Variants in ADGRL3 observed in about 807,000 individuals in gnomAD.
The protein encoded by ADGRL3 is adhesion G protein-coupled receptor L3.
Under a neutral mutation model 153.5 loss-of-function variants are expected in ADGRL3, and 62 were observed. The observed-to-expected ratio is 0.40, with a 90% confidence interval of 0.33 to 0.50. The LOEUF is 0.50. Among genes scored for constraint, ADGRL3 ranks in the 20% least tolerant of loss-of-function variants. The probability of loss-of-function intolerance (pLI) is 0.47; values close to 1 mark genes in which losing one functional copy is unlikely to be tolerated. For missense variants in ADGRL3, 1,641 were observed against 1,859.4 expected (o/e 0.88, Z 2.16); for synonymous variants, 710 against 672.5 (o/e 1.06, Z -0.86).
At chr4:62,007,383 TACACACAC>T (rs71269038) in intron 21 of ADGRL3, among the ~76,000 whole-genome samples, 16 of 30,714 alleles carry the variant, frequency 5.2e-4, no homozygotes, top group Admixed American at 8.4e-4. Context: ...TATATATATA[TACACACAC>T]ACACATATAT....
At chr4:61,671,480 G>A (rs1414020026) in intron 5 of ADGRL3, among the ~76,000 whole-genome samples, 5 of 152,154 alleles carry the variant, frequency 3.3e-5, no homozygotes, top group African/African-American at 1.2e-4. Flanking sequence ...CTGATCAATA[G>A]GTGACAGTTA....
chr4:61,384,169 G>A (rs571744260), intron 2 of ADGRL3, among the ~76,000 whole-genome samples: 17 of 151,136 alleles, frequency 1.1e-4, no homozygotes, highest in Non-Finnish European at 2.1e-4. Flanking sequence ...TGTGCACTAC[G>A]TTTTCCAGTT....
At chr4:61,439,551 C>A (rs1301941211) in intron 2 of ADGRL3, among the ~76,000 whole-genome samples, 1 of 152,076 alleles carries the variant, frequency 6.6e-6, no homozygotes, top group South Asian at 2.1e-4. Context: ...GGTTTCTGCA[C>A]CCATCAACCC....
intron 8 of ADGRL3, among the ~76,000 whole-genome samples, chr4:61,750,256 AT>A (rs1297821024): frequency 6.6e-6 from 1 of 151,636 alleles, no homozygotes; most frequent in Admixed American, 6.6e-5. Context: ...ATTTACAAAG[AT>A]TATCAGATGT....
chr4:61,843,517 C>CTCCT (rs2098065696), intron 9 of ADGRL3, among the ~76,000 whole-genome samples: 1 of 152,066 alleles, frequency 6.6e-6, no homozygotes. Flanking sequence ...GCAAGAGGAG[C>CTCCT]CATTGTGGAT....
chr4:61,822,087 T>C (rs753904501), intron 9 of ADGRL3, among the ~76,000 whole-genome samples: 3 of 152,184 alleles, frequency 2.0e-5, no homozygotes, highest in Non-Finnish European at 2.9e-5. Context: ...TTAGCAGACA[T>C]TACAGGGGGA....
intron 2 of ADGRL3, among the ~76,000 whole-genome samples, chr4:61,458,404 G>C (rs533786219): frequency 6.6e-6 from 1 of 151,078 alleles, no homozygotes; most frequent in South Asian, 2.1e-4. Flanking sequence ...TTGATGAGAA[G>C]GATTAATATA....
At chr4:61,631,126 GT>G (rs1453492129) in intron 5 of ADGRL3, among the ~76,000 whole-genome samples, 3 of 151,958 alleles carry the variant, frequency 2.0e-5, no homozygotes, top group Non-Finnish European at 2.9e-5. Context: ...ACTGTCAAAG[GT>G]TTTCTTTTCG....
In ADGRL3 at chr4:61,370,264, T is replaced by C. The variant is rs1332262425; in HGVS notation, c.-239-12860T>C. Among the ~76,000 whole-genome samples the C allele has an allele frequency of 9.3e-5, 13 of 139,698 alleles. No homozygotes were observed. The South Asian group carries it at 2.1e-3, about 23-fold the overall frequency. The allele number at this position is 139,698 out of a possible 152,430, so 91.6% of individuals were successfully genotyped here. On this transcript the variant is annotated intron_variant, in intron 1 of 26. Transcript: ENST00000683033. ...CTCTGATTTTAGTTATTTCTTGCCT[T>C]CTGCTAGCTTTTGAATGTGTTTGCT...
intron 17 of ADGRL3, among the ~76,000 whole-genome samples, chr4:61,967,183 A>G (rs982648303): frequency 1.3e-4 from 20 of 152,134 alleles, no homozygotes; most frequent in Non-Finnish European, 2.4e-4. Context: ...TCTGATCCAG[A>G]CATTTGTTTT....
chr4:61,777,218 A>C (rs1489102164), intron 8 of ADGRL3, among the ~76,000 whole-genome samples: 1 of 152,060 alleles, frequency 6.6e-6, no homozygotes, highest in Admixed American at 6.6e-5. Flanking sequence ...CTGTAGAACC[A>C]GCTACTCGGG....
chr4:61,607,971 A>G (rs2099039097), intron 5 of ADGRL3, among the ~76,000 whole-genome samples: 1 of 152,218 alleles, frequency 6.6e-6, no homozygotes, highest in Non-Finnish European at 1.5e-5. Context: ...GGAGTCAACC[A>G]GGCTAGATTT....
chr4:61,743,542 G>A (rs2096611149), intron 8 of ADGRL3, among the ~76,000 whole-genome samples: 1 of 152,020 alleles, frequency 6.6e-6, no homozygotes, highest in Admixed American at 6.6e-5. Flanking sequence ...ATTAAATGAT[G>A]AAATAGATTA....
intron 3 of ADGRL3, among the ~76,000 whole-genome samples, chr4:61,514,946 A>G (rs983216414): frequency 6.6e-6 from 1 of 152,096 alleles, no homozygotes; most frequent in Non-Finnish European, 1.5e-5. Flanking sequence ...TTTTAAATCA[A>G]TTGTCATTCT....
At chr4:61,341,256 C>T (rs1344927314) in intron 1 of ADGRL3, among the ~76,000 whole-genome samples, 1 of 151,660 alleles carries the variant, frequency 6.6e-6, no homozygotes, top group Non-Finnish European at 1.5e-5. Context: ...TTCATATTTT[C>T]AAAACTTGCT....
intron 1 of ADGRL3, among the ~76,000 whole-genome samples, chr4:61,357,804 G>A (rs1330496828): frequency 1.3e-5 from 2 of 151,946 alleles, no homozygotes; most frequent in African/African-American, 4.8e-5. Context: ...AGAAGATATT[G>A]TTTACTATAT....
chr4:61,432,096 G>GTA (rs749565429), intron 2 of ADGRL3, among the ~76,000 whole-genome samples: 1 of 152,138 alleles, frequency 6.6e-6, no homozygotes, highest in African/African-American at 2.4e-5. Flanking sequence ...CTGAATTAGT[G>GTA]TAAGACCAGT....
chr4:62,024,854 C>T (rs1015001202), intron 21 of ADGRL3, among the ~76,000 whole-genome samples: 1 of 141,510 alleles, frequency 7.1e-6, no homozygotes, highest in African/African-American at 2.6e-5. Context: ...CGTGTGAACC[C>T]GGGAGGTGGA....
intron 5 of ADGRL3, among the ~76,000 whole-genome samples, chr4:61,641,690 T>C (rs1180212939): frequency 6.6e-6 from 1 of 151,954 alleles, no homozygotes; most frequent in East Asian, 1.9e-4. Context: ...CTATCACTGT[T>C]GGACATTTGG....
Sources: allele counts gnomAD v4.1 joint callset (sites outside exome capture counted in the v4.1 genomes callset), GRCh38; gene constraint gnomAD v4.1.1; transcripts MANE v1.5; gene names NCBI Gene and HGNC (gene_info 2026-07-23, HGNC 2026-07-21).